Variants in CXADR observed in about 807,000 individuals in gnomAD.
CXADR encodes the protein CXADR cell adhesion molecule, also known as coxsackievirus and adenovirus receptor.
CXADR carries 20 observed loss-of-function variants against 40.3 expected under a neutral mutation model. That is an observed-to-expected ratio of 0.50 (90% confidence interval 0.35 to 0.72). The LOEUF (loss-of-function observed/expected upper bound fraction) is 0.72. Ranked by LOEUF, CXADR falls within the 30% of genes least tolerant of loss-of-function variation. The probability of loss-of-function intolerance (pLI) is 0.01; values close to 1 mark genes in which losing one functional copy is unlikely to be tolerated. For synonymous variants in CXADR, 150 were observed against 161.3 expected (o/e 0.93, Z 0.53); for missense variants, 332 against 449.1 (o/e 0.74, Z 2.36).
chr21:17,566,334 T>C lies in CXADR; in HGVS notation c.*642T>C, dbSNP rs2061208421. ...CTTAAATATTTAGTTGATAGACTGCTACAGGTAATAGGGACTTAGCAAGCT... is the reference window on the plus strand; with the variant it reads ...CTTAAATATTTAGTTGATAGACTGCCACAGGTAATAGGGACTTAGCAAGCT... On this transcript the variant is annotated 3_prime_UTR_variant, in exon 7 of 7. Transcript: ENST00000284878. 2 of 984,158 alleles carry C rather than the reference T, an allele frequency of 2.0e-6. No homozygotes were observed. Among genetic ancestry groups the C allele is most frequent in the South Asian group, 9.4e-5 (2 of 21,276 alleles). 61.0% of individuals were successfully genotyped at this position (984,158 alleles called of 1,614,324 possible). A position where few individuals can be genotyped will look rare whatever the true frequency, so the allele number is the denominator to read the frequency against.
the CXADR span, among the ~76,000 whole-genome samples, chr21:17,607,389 CA>C: frequency 0.015 from 2,173 of 145,704 alleles, 27 homozygotes; most frequent in Non-Finnish European, 0.02. Flanking sequence ...TGAAAATATG[CA>C]AAAAAAAAAT....
At chr21:17,572,279 A>T (rs1601043870), downstream of CXADR, among the ~76,000 whole-genome samples, 1 of 145,966 alleles carries the variant, frequency 6.9e-6, no homozygotes, top group African/African-American at 2.5e-5. Flanking sequence ...GCTGAATGGG[A>T]TGATTGCTTG....
chr21:17,513,206 C>G (rs2060413301), intron 1 of CXADR, 34 bp downstream of exon 1: 3 of 1,353,552 alleles, frequency 2.2e-6, no homozygotes, highest in Admixed American at 7.9e-5. Flanking sequence ...CAGCACCCGC[C>G]CAGCCCGGGG....
rs1007256597 is a variant in CXADR, at chr21:17,537,043, C to T, written c.44-9984C>T. ...AAAGTGCTGGGATTACAGGCATGAG[C>T]CACCATGCCCAACCTAAAATGTATT... On this transcript the variant is annotated intron_variant, in intron 1 of 6. Transcript: ENST00000284878. Among the ~76,000 whole-genome samples the T allele has an allele frequency of 4.6e-5, 7 of 152,226 alleles. 1 individual carries two copies. The highest frequency in any genetic ancestry group is 1.7e-4 in the African/African-American group (7 of 41,454).
the CXADR span, among the ~76,000 whole-genome samples, chr21:17,604,702 C>T: frequency 2.6e-5 from 4 of 152,232 alleles, no homozygotes; most frequent in African/African-American, 4.8e-5. Context: ...AGTCCTTCAA[C>T]ATCACCTCCA....
chr21:17,585,587 G>A (rs904890813), intron 7 of CXADR, among the ~76,000 whole-genome samples: 3 of 151,946 alleles, frequency 2.0e-5, no homozygotes, highest in African/African-American at 7.3e-5. Flanking sequence ...GCGCCATCTC[G>A]GCTCACTGCA....
rs147506489 is a variant in CXADR, at chr21:17,537,903, T to C, written c.44-9124T>C. On this transcript the variant is annotated intron_variant, in intron 1 of 6. Transcript: ENST00000284878. Reference sequence around the variant, plus strand: ...CCCGTGATGAAAGCATTGTTAGTGCTAGTCCGAGGAGTAATTAGAGGACAT... The same window carrying C: ...CCCGTGATGAAAGCATTGTTAGTGCCAGTCCGAGGAGTAATTAGAGGACAT... 6.1e-3 allele frequency among the ~76,000 whole-genome samples: 930 copies of C among 152,236 alleles called. 10 individuals carry two copies. The highest frequency in any genetic ancestry group is 0.021 in the African/African-American group (879 of 41,544).
chr21:17,586,557 TC>T (rs2061397878), intron 7 of CXADR, among the ~76,000 whole-genome samples: 1 of 151,474 alleles, frequency 6.6e-6, no homozygotes, highest in Non-Finnish European at 1.5e-5. Context: ...TACCTTGGCC[TC>T]CCAAAGTGCT....
chr21:17,566,080 A>G lies in CXADR; in HGVS notation c.*388A>G, dbSNP rs2123333321. 2.0e-6 allele frequency: 2 copies of G among 988,072 alleles called. No homozygotes were observed. Among genetic ancestry groups the G allele is most frequent in the Middle Eastern group, 5.2e-4 (1 of 1,922 alleles). 61.2% of individuals were successfully genotyped at this position (988,072 alleles called of 1,614,324 possible). A position where few individuals can be genotyped will look rare whatever the true frequency, so the allele number is the denominator to read the frequency against. On this transcript the variant is annotated 3_prime_UTR_variant, in exon 7 of 7. Transcript: ENST00000284878. The stretch of plus-strand genomic sequence containing the variant: ...AAAGTGGTACTTGATCATTTTTACC[A>G]TTATTTTTAGGATGTGTATTTCATT...
At chr21:17,532,139 C>T (rs2060686197) in intron 1 of CXADR, among the ~76,000 whole-genome samples, 3 of 152,052 alleles carry the variant, frequency 2.0e-5, no homozygotes, top group East Asian at 3.9e-4. Context: ...TCCTATGTTG[C>T]CCAGGTTGGT....
intron 7 of CXADR, among the ~76,000 whole-genome samples, chr21:17,577,558 G>A (rs1313672546): frequency 7.5e-6 from 1 of 133,156 alleles, no homozygotes; most frequent in Non-Finnish European, 1.6e-5. Flanking sequence ...TGGGAAAAAT[G>A]AAATGAAATT....
rs2824365 is a variant in CXADR, at chr21:17,568,945, A to G, written c.*3253A>G. On this transcript the variant is annotated 3_prime_UTR_variant, in exon 7 of 7. Transcript: ENST00000284878. ...TTTGATTGAAAAAATCCAAATCACT[A>G]TCCATATAGATCATGGATATAAAGA... 200,270 of 982,606 alleles carry G rather than the reference A, an allele frequency of 0.2. 20,532 individuals carry two copies. The highest frequency in any genetic ancestry group is 0.24 in the East Asian group (2,116 of 8,796). The allele number at this position is 982,606 out of a possible 1,614,324, so 60.9% of individuals were successfully genotyped here.
At chr21:17,601,623 G>A in the CXADR span, among the ~76,000 whole-genome samples, 1 of 152,146 alleles carries the variant, frequency 6.6e-6, no homozygotes, top group African/African-American at 2.4e-5. Context: ...TTAGCATAAG[G>A]TTTTAGCAAT....
downstream of CXADR, among the ~76,000 whole-genome samples, chr21:17,597,127 G>C (rs1349906628): frequency 6.6e-6 from 1 of 152,032 alleles, no homozygotes; most frequent in African/African-American, 2.4e-5. Context: ...AAGCACGTAA[G>C]AGACACCTCA....
intron 1 of CXADR, among the ~76,000 whole-genome samples, chr21:17,539,607 G>A (rs559088649): frequency 6.6e-6 from 1 of 152,320 alleles, no homozygotes; most frequent in South Asian, 2.1e-4. Context: ...CACAGGTTTT[G>A]TAAGGATCAG....
intron 1 of CXADR, among the ~76,000 whole-genome samples, chr21:17,530,820 A>C (rs73308206): frequency 0.02 from 3,071 of 152,298 alleles, 109 homozygotes; most frequent in African/African-American, 0.067. Flanking sequence ...TCTCAAAAAA[A>C]AGAAAAAGAA....
At chr21:17,560,626 A>T (rs2061104336) in intron 4 of CXADR, 76 bp from the exon 5 acceptor site, 2 of 1,415,674 alleles carry the variant, frequency 1.4e-6, no homozygotes, top group Admixed American at 3.8e-5. Flanking sequence ...TAATTTGGAG[A>T]GGACTATGTT....
downstream of CXADR, among the ~76,000 whole-genome samples, chr21:17,571,256 A>G (rs1157219031): frequency 6.6e-6 from 1 of 152,198 alleles, no homozygotes; most frequent in East Asian, 1.9e-4. Context: ...TTAAAATGGT[A>G]CAAAATACCT....
At chr21:17,614,890 G>T in the CXADR span, among the ~76,000 whole-genome samples, 1 of 152,096 alleles carries the variant, frequency 6.6e-6, no homozygotes, top group Non-Finnish European at 1.5e-5. Flanking sequence ...CTACTCTTGT[G>T]TGCTTCAGAT....
Sources: allele counts gnomAD v4.1 joint callset (sites outside exome capture counted in the v4.1 genomes callset), GRCh38; gene constraint gnomAD v4.1.1; transcripts MANE v1.5; gene names NCBI Gene and HGNC (gene_info 2026-07-23, HGNC 2026-07-21).